Variants in S100Z observed in about 807,000 individuals in gnomAD.
S100Z encodes protein S100-Z.
S100Z carries 11 observed loss-of-function variants against 8.5 expected under a neutral mutation model. That is an observed-to-expected ratio of 1.30 (90% CI 0.82 to 2.15). S100Z has a LOEUF of 2.15. Among genes scored for constraint, S100Z ranks in the 30% most tolerant of loss-of-function variants. The probability of loss-of-function intolerance (pLI) is 0.00; values close to 1 mark genes in which losing one functional copy is unlikely to be tolerated. For missense variants in S100Z, 126 were observed against 117.9 expected (o/e 1.07, Z -0.32); for synonymous variants, 34 against 43.8 (o/e 0.78, Z 0.89).
chr5:76,874,015 AAC>A (rs1267553492), intron 2 of S100Z, among the ~76,000 whole-genome samples: 15 of 130,054 alleles, frequency 1.2e-4, no homozygotes, highest in Non-Finnish European at 1.8e-4. Flanking sequence ...TCTTACTCCC[AAC>A]CACTCTGTTC....
At chr5:76,898,571 T>A (rs1744120236) in intron 4 of S100Z, among the ~76,000 whole-genome samples, 1 of 152,220 alleles carries the variant, frequency 6.6e-6, no homozygotes, top group Non-Finnish European at 1.5e-5. Context: ...CATATGGTTT[T>A]TATCCTTCAT....
At chr5:76,858,116 G>A (rs1017561275) in intron 1 of S100Z, among the ~76,000 whole-genome samples, 4 of 152,202 alleles carry the variant, frequency 2.6e-5, no homozygotes, top group African/African-American at 4.8e-5. Context: ...ATCAAAATGA[G>A]GTTCCAGAAG....
At chr5:76,863,656 A>G (rs1016365733) in intron 1 of S100Z, among the ~76,000 whole-genome samples, 21 of 152,102 alleles carry the variant, frequency 1.4e-4, no homozygotes, top group Non-Finnish European at 2.9e-4. Context: ...CTCCTGCCTC[A>G]GCCTCCCAAG....
intron 3 of S100Z, 49 bp downstream of exon 3, chr5:76,875,549 T>C (rs746287443): frequency 2.0e-6 from 3 of 1,528,560 alleles, no homozygotes; most frequent in Middle Eastern, 3.5e-4. Context: ...GTAGATGAGG[T>C]GCAGATTCCA....
At chr5:76,881,506 T>C (rs1358391075) in intron 4 of S100Z, among the ~76,000 whole-genome samples, 1 of 152,058 alleles carries the variant, frequency 6.6e-6, no homozygotes, top group Non-Finnish European at 1.5e-5. Context: ...GGAGTAGTAG[T>C]AGAATAGCAG....
chr5:76,924,927 G>T (rs1437752491), downstream of S100Z, among the ~76,000 whole-genome samples: 1 of 148,758 alleles, frequency 6.7e-6, no homozygotes, highest in East Asian at 2.0e-4. Context: ...AAAAAAAAAA[G>T]ATACATTTAT....
intron 1 of S100Z, among the ~76,000 whole-genome samples, chr5:76,864,270 C>T (rs1383152016): frequency 6.6e-6 from 1 of 151,158 alleles, no homozygotes; most frequent in Non-Finnish European, 1.5e-5. Flanking sequence ...ATGTCTGGGG[C>T]GATACTGGTG....
chr5:76,936,415 G>T, the S100Z span, among the ~76,000 whole-genome samples: 2 of 151,820 alleles, frequency 1.3e-5, no homozygotes, highest in Non-Finnish European at 2.9e-5. Context: ...GTTAACCATG[G>T]TTATATCTAC....
chr5:76,899,091 G>A (rs182239079), intron 4 of S100Z, among the ~76,000 whole-genome samples: 13 of 151,892 alleles, frequency 8.6e-5, no homozygotes, highest in African/African-American at 1.4e-4. Context: ...TTACAGACAC[G>A]TGCCACCACA....
At chr5:76,900,594 T>G (rs1744196335) in intron 4 of S100Z, among the ~76,000 whole-genome samples, 1 of 152,228 alleles carries the variant, frequency 6.6e-6, no homozygotes, top group Admixed American at 6.5e-5. Context: ...TTTCAATATC[T>G]TTGTTAAATT....
the S100Z span, among the ~76,000 whole-genome samples, chr5:76,940,687 A>T: frequency 6.6e-6 from 1 of 152,216 alleles, no homozygotes. Flanking sequence ...TGCTGGGATT[A>T]CAGGCGTGAG....
At chr5:76,940,763 C>T in the S100Z span, among the ~76,000 whole-genome samples, 1 of 152,152 alleles carries the variant, frequency 6.6e-6, no homozygotes, top group Admixed American at 6.5e-5. Flanking sequence ...ATAGTTTATT[C>T]AGATTTCTTT....
chr5:76,856,259 T>C (rs1270917058), intron 1 of S100Z, among the ~76,000 whole-genome samples: 1 of 152,196 alleles, frequency 6.6e-6, no homozygotes, highest in Non-Finnish European at 1.5e-5. Flanking sequence ...TGGCATGATA[T>C]TGGCTCACTG....
At chr5:76,926,937 T>G in the S100Z span, among the ~76,000 whole-genome samples, 1 of 152,362 alleles carries the variant, frequency 6.6e-6, no homozygotes, top group South Asian at 2.1e-4. Context: ...TCCTTCTTTT[T>G]CATCTGGATG....
intron 1 of S100Z, among the ~76,000 whole-genome samples, chr5:76,853,287 G>A (rs570127397): frequency 3.6e-4 from 55 of 152,260 alleles, no homozygotes; most frequent in African/African-American, 1.1e-3. Context: ...GTGACTGTGC[G>A]GGGACAAGTC....
the S100Z span, among the ~76,000 whole-genome samples, chr5:76,946,243 G>A: frequency 6.6e-6 from 1 of 152,094 alleles, no homozygotes; most frequent in Admixed American, 6.6e-5. Flanking sequence ...AAGCCTTCTC[G>A]CCAAATCACC....
intron 4 of S100Z, among the ~76,000 whole-genome samples, chr5:76,904,712 A>C (rs1744366320): frequency 6.6e-6 from 1 of 151,318 alleles, no homozygotes; most frequent in Non-Finnish European, 1.5e-5. Flanking sequence ...CTAATTAAAA[A>C]AAATTTTTTT....
downstream of S100Z, among the ~76,000 whole-genome samples, chr5:76,924,156 A>T (rs1372220182): frequency 6.6e-6 from 1 of 152,158 alleles, no homozygotes; most frequent in African/African-American, 2.4e-5. Context: ...TTGATTCCCA[A>T]AGAGAATTAT....
chr5:76,887,100 C>CTT (rs775761857), intron 4 of S100Z, among the ~76,000 whole-genome samples: 3 of 140,270 alleles, frequency 2.1e-5, no homozygotes, highest in African/African-American at 5.2e-5. Flanking sequence ...CTTTTCTTTT[C>CTT]TTTTTTTTTT....
Sources: allele counts gnomAD v4.1 joint callset (sites outside exome capture counted in the v4.1 genomes callset), GRCh38; gene constraint gnomAD v4.1.1; transcripts MANE v1.5; gene names NCBI Gene and HGNC (gene_info 2026-07-23, HGNC 2026-07-21).